SORCS2: variants seen among roughly 807,000 people sequenced by gnomAD.
The protein encoded by SORCS2 is VPS10 domain-containing receptor SorCS2.
SORCS2 carries 100 observed loss-of-function variants against 141.6 expected under a neutral mutation model. The ratio of observed to expected loss-of-function variants is 0.71; its 90% CI spans 0.60 to 0.83. The LOEUF (loss-of-function observed/expected upper bound fraction) is 0.83, where lower values mean the gene tolerates loss of function less well. SORCS2 is among the 40% of genes least tolerant of loss of function. SORCS2 has a pLI of 0.00. For synonymous variants in SORCS2, 789 were observed against 676.9 expected (o/e 1.17, Z -2.57); for missense variants, 1,646 against 1,560.2 (o/e 1.05, Z -0.93).
rs1334251610 is a variant in SORCS2, at chr4:7,306,777, G to C, written c.481-89511G>C. On this transcript the variant is annotated intron_variant, in intron 1 of 26. Transcript: ENST00000507866. ...CGTGCAGAGTCGCCTGGAGGCTGGA[G>C]TGTGGCCCCGTCCCTGGAGGGGTGC... Among the ~76,000 whole-genome samples, 4 of 152,322 alleles carry C rather than the reference G, an allele frequency of 2.6e-5. No homozygotes were observed. In the South Asian group the frequency reaches 8.3e-4, roughly 32 times the overall value.
intron 2 of SORCS2, among the ~76,000 whole-genome samples, chr4:7,483,879 C>T (rs185564982): frequency 3.3e-5 from 5 of 152,228 alleles, no homozygotes; most frequent in East Asian, 1.9e-4. Context: ...CAAACCTGCA[C>T]GTTCTGCACA....
intron 3 of SORCS2, among the ~76,000 whole-genome samples, chr4:7,542,825 T>C (rs1429028482): frequency 1.3e-5 from 2 of 152,118 alleles, no homozygotes; most frequent in Admixed American, 6.5e-5. Context: ...TCAGGGTGGG[T>C]GGCTGGGGAT....
At chr4:7,573,018 A>C (rs1230985880) in intron 3 of SORCS2, among the ~76,000 whole-genome samples, 3 of 152,208 alleles carry the variant, frequency 2.0e-5, no homozygotes, top group African/African-American at 4.8e-5. Flanking sequence ...CTCACTTATT[A>C]TCAAAGTGGC....
chr4:7,740,491 C>T lies in SORCS2; in HGVS notation c.*227C>T, dbSNP rs1210201455. The stretch of plus-strand genomic sequence containing the variant: ...CGGACATGGCCCTGCCCCTATGGGA[C>T]ACCAGGCCTGACTCAGGCAGGTTCT... On this transcript the variant is annotated 3_prime_UTR_variant, in exon 27 of 27. Coordinates refer to ENST00000507866, the MANE Select transcript of SORCS2 (RefSeq NM_020777.3). The T allele has an allele frequency of 3.5e-6, 2 of 564,826 alleles. No individual in the cohort carries two copies. Among genetic ancestry groups the T allele is most frequent in the Non-Finnish European group, 6.4e-6 (2 of 313,370 alleles). The allele number at this position is 564,826 out of a possible 1,614,324, so 35.0% of individuals were successfully genotyped here.
chr4:7,676,820 T>TCC (rs1723165745), intron 9 of SORCS2, among the ~76,000 whole-genome samples: 3 of 110,528 alleles, frequency 2.7e-5, no homozygotes, highest in Non-Finnish European at 3.9e-5. Context: ...TCTCTCTCTC[T>TCC]CTCTCTCTCC....
chr4:7,720,037 G>A (rs769615014), intron 18 of SORCS2, among the ~76,000 whole-genome samples: 8 of 152,060 alleles, frequency 5.3e-5, no homozygotes, highest in African/African-American at 1.7e-4. Flanking sequence ...TGGTACACAC[G>A]CTCACACATA....
chr4:7,303,404 G>C, intron 1 of SORCS2, among the ~76,000 whole-genome samples: 1 of 152,136 alleles, frequency 6.6e-6, no homozygotes, highest in East Asian at 1.9e-4. Flanking sequence ...AAAGAAACCC[G>C]TCTCATCCCT....
chr4:7,540,902 G>T (rs1159472650), intron 3 of SORCS2, among the ~76,000 whole-genome samples: 1 of 152,206 alleles, frequency 6.6e-6, no homozygotes, highest in African/African-American at 2.4e-5. Context: ...AATCAGTGTC[G>T]TAAAGTGGCC....
In SORCS2 at chr4:7,233,532, A is replaced by G. The variant is rs959776717; in HGVS notation, c.480+40406A>G. Reference sequence around the variant, plus strand: ...GACACTTGCTGGGTTCAGGGTGAGCAGACACTGGCAGCTGTGGTGGTGGGT... The same window carrying G: ...GACACTTGCTGGGTTCAGGGTGAGCGGACACTGGCAGCTGTGGTGGTGGGT... On this transcript the variant is annotated intron_variant, in intron 1 of 26. Coordinates refer to ENST00000507866, the MANE Select transcript of SORCS2 (RefSeq NM_020777.3). This position sits in a 1 kb window ranked among gnomAD's most constrained non-coding sequence, Gnocchi z 4.5. 1.1e-4 allele frequency among the ~76,000 whole-genome samples: 17 copies of G among 152,166 alleles called. No individual in the cohort carries two copies. The highest frequency in any genetic ancestry group is 4.1e-4 in the African/African-American group (17 of 41,442).
intron 1 of SORCS2, among the ~76,000 whole-genome samples, chr4:7,257,568 T>C (rs768052278): frequency 2.6e-5 from 4 of 152,150 alleles, no homozygotes; most frequent in African/African-American, 4.8e-5. Flanking sequence ...CTCCCAGATG[T>C]TCAAATAGCT....
At chr4:7,278,487 C>T (rs1715659259) in intron 1 of SORCS2, among the ~76,000 whole-genome samples, 1 of 152,214 alleles carries the variant, frequency 6.6e-6, no homozygotes, top group Non-Finnish European at 1.5e-5. Context: ...AGCCCAGGGT[C>T]TGCTTAGCCC....
intron 3 of SORCS2, among the ~76,000 whole-genome samples, chr4:7,605,772 C>T (rs1018801500): frequency 1.3e-5 from 2 of 152,044 alleles, no homozygotes; most frequent in African/African-American, 4.8e-5. Context: ...ATACCTGTGG[C>T]TTGGTGCTGG....
intron 2 of SORCS2, among the ~76,000 whole-genome samples, chr4:7,529,932 G>A (rs745731545): frequency 2.6e-5 from 4 of 152,200 alleles, no homozygotes; most frequent in Non-Finnish European, 4.4e-5. Flanking sequence ...CCTGGGGAGG[G>A]GCTGGCCCCT....
chr4:7,325,653 A>G (rs1287166146), intron 1 of SORCS2, among the ~76,000 whole-genome samples: 1 of 152,190 alleles, frequency 6.6e-6, no homozygotes, highest in African/African-American at 2.4e-5. Flanking sequence ...CCTTGGGGAC[A>G]TGCACGGCGC....
At position 7,548,216 on chromosome 4, in the gene SORCS2, A is replaced by G. The variant is rs561122075; in HGVS notation, c.648+16587A>G. ...AAAGTGACCCCCATCGCCAGCAAAG[A>G]GGAATGCTCCCGCGACCATTTGTCT... On this transcript the variant is annotated intron_variant, in intron 3 of 26. Coordinates refer to ENST00000507866, the MANE Select transcript of SORCS2 (RefSeq NM_020777.3). Among the ~76,000 whole-genome samples, 48 of 152,294 alleles carry G rather than the reference A, an allele frequency of 3.2e-4. 2 individuals are homozygous for G. Among genetic ancestry groups the G allele is most frequent in the African/African-American group, 1.1e-3 (47 of 41,564 alleles).
chr4:7,297,058 C>T (rs576526908), intron 1 of SORCS2, among the ~76,000 whole-genome samples: 3 of 151,910 alleles, frequency 2.0e-5, no homozygotes, highest in Non-Finnish European at 4.4e-5. Context: ...TGTCTCAAGA[C>T]TCAGTTGACC....
At chr4:7,474,883 C>T (rs1033336496) in intron 2 of SORCS2, among the ~76,000 whole-genome samples, 2 of 152,170 alleles carry the variant, frequency 1.3e-5, no homozygotes, top group African/African-American at 4.8e-5. Flanking sequence ...GGGGAGTTCC[C>T]TTCTGGCTGT....
At chr4:7,717,893 C>T in intron 17 of SORCS2, 119 bp from the exon 18 acceptor site, 2 of 1,085,558 alleles carry the variant, frequency 1.8e-6, no homozygotes, top group South Asian at 3.7e-5. Context: ...CAAGTAGAGT[C>T]CTAGGGGTGG....
chr4:7,477,549 T>C (rs2109360808), intron 2 of SORCS2, among the ~76,000 whole-genome samples: 1 of 152,088 alleles, frequency 6.6e-6, no homozygotes, highest in South Asian at 2.1e-4. Context: ...ATGCTCAAAG[T>C]TGGATTGGCT....
Sources: allele counts gnomAD v4.1 joint callset (sites outside exome capture counted in the v4.1 genomes callset), GRCh38; gene constraint gnomAD v4.1.1; non-coding constraint Gnocchi (gnomAD v3.1); transcripts MANE v1.5; gene names NCBI Gene and HGNC (gene_info 2026-07-23, HGNC 2026-07-21).